PARP9: variants seen among roughly 807,000 people sequenced by gnomAD.
PARP9 encodes the protein protein mono-ADP-ribosyltransferase PARP9.
PARP9 carries 48 observed loss-of-function variants against 68.8 expected under a neutral mutation model. The ratio of observed to expected loss-of-function variants is 0.70; its 90% CI spans 0.55 to 0.89. PARP9 has a LOEUF of 0.89. Among genes scored for constraint, PARP9 ranks in the 40% least tolerant of loss-of-function variants. The pLI is 0.00. For missense variants in PARP9, 806 were observed against 969.3 expected (o/e 0.83, Z 2.24); for synonymous variants, 309 against 333.8 (o/e 0.93, Z 0.81).
At chr3:122,536,078 C>A (rs1378784903) in intron 10 of PARP9, 90 bp downstream of exon 10, 3 of 1,601,712 alleles carry the variant, frequency 1.9e-6, no homozygotes, top group Non-Finnish European at 2.6e-6. Context: ...CCCTTCCCCA[C>A]AACAACAAAT....
intron 1 of PARP9, among the ~76,000 whole-genome samples, chr3:122,561,735 A>G (rs2080224269): frequency 6.6e-6 from 1 of 151,736 alleles, no homozygotes; most frequent in South Asian, 2.1e-4. Context: ...CATTCTGCAT[A>G]CTCCCCAGGA....
intron 8 of PARP9, 68 bp downstream of exon 8, chr3:122,540,404 C>G: frequency 4.5e-6 from 7 of 1,562,310 alleles, no homozygotes; most frequent in Non-Finnish European, 6.1e-6. Flanking sequence ...TCCATACATA[C>G]ACGCTCACAC....
At chr3:122,562,268 C>T (rs781043335) in intron 1 of PARP9, among the ~76,000 whole-genome samples, 4 of 151,760 alleles carry the variant, frequency 2.6e-5, no homozygotes, top group Non-Finnish European at 5.9e-5. Flanking sequence ...TTGGAAGCTC[C>T]GCCTCCCGGG....
upstream of PARP9, chr3:122,564,397 A>G: frequency 6.3e-7 from 1 of 1,587,466 alleles, no homozygotes; most frequent in Non-Finnish European, 8.6e-7. Flanking sequence ...TGCCTCCCGG[A>G]GCCCCCGCGC....
intron 3 of PARP9, among the ~76,000 whole-genome samples, chr3:122,557,610 C>A (rs932144903): frequency 6.6e-6 from 1 of 152,192 alleles, no homozygotes; most frequent in Admixed American, 6.5e-5. Context: ...TCATGCCCAA[C>A]GTGGGACACC....
chr3:122,558,295 G>GC (rs763068419), intron 3 of PARP9, 139 bp downstream of exon 3: 2 of 1,604,774 alleles, frequency 1.2e-6, no homozygotes, highest in Admixed American at 3.3e-5. Flanking sequence ...TGAAGCATGT[G>GC]CGGGGGTCCC....
rs767591720 is a variant in PARP9 at position 122,540,488 on chromosome 3, G to T, written c.1749C>A (p.Gly583=). Reference sequence around the variant, plus strand: ...GTTACTCACCTAACGAGCGCCAAAGGCCTCGCTCCTTTTTCCTTGCCATTT... The same window carrying T: ...GTTACTCACCTAACGAGCGCCAAAGTCCTCGCTCCTTTTTCCTTGCCATTT... ...QEEMARKKER[G]LWRSLGQWTI... Residue 583 remains glycine, a synonymous_variant, in exon 8 of 11, where the codon GGC becomes GGA. Transcript: ENST00000682323. The T allele has an allele frequency of 2.5e-6, 4 of 1,613,294 alleles. 1 individual carries two copies. The Admixed American group carries it at 6.7e-5, about 27-fold the overall frequency.
At chr3:122,564,580 G>A (rs757159028), upstream of PARP9, 8 of 1,602,734 alleles carry the variant, frequency 5.0e-6, no homozygotes, top group Non-Finnish European at 1.7e-6. Flanking sequence ...CGAAGCCCCG[G>A]GCACCTTCCG....
chr3:122,544,280 TA>T (rs2078512222), intron 7 of PARP9, among the ~76,000 whole-genome samples: 1 of 152,210 alleles, frequency 6.6e-6, no homozygotes, highest in Admixed American at 6.5e-5. Flanking sequence ...TTTCTCCCCT[TA>T]GCTAACTGGG....
At chr3:122,535,166 G>A (rs1024802542) in intron 10 of PARP9, 209 of 985,290 alleles carry the variant, frequency 2.1e-4, no homozygotes, top group Non-Finnish European at 2.4e-4. Flanking sequence ...GGAGCAAATG[G>A]AAATTATAGA....
At chr3:122,533,917 T>C (rs1454794512) in intron 10 of PARP9, 1 of 985,384 alleles carries the variant, frequency 1.0e-6, no homozygotes, top group East Asian at 1.1e-4. Context: ...CTAAGAGCTT[T>C]TGTACTCCAA....
At chr3:122,533,986 T>C in intron 10 of PARP9, 2 of 985,428 alleles carry the variant, frequency 2.0e-6, no homozygotes, top group Non-Finnish European at 2.4e-6. Flanking sequence ...TGGCACCTTC[T>C]GTTAAGAGTT....
At chr3:122,546,968 C>CCA (rs2078748073) in intron 6 of PARP9, among the ~76,000 whole-genome samples, 1 of 70,144 alleles carries the variant, frequency 1.4e-5, no homozygotes, top group African/African-American at 5.0e-5. Flanking sequence ...ATACATGGCA[C>CCA]TATATATATA....
rs769543137 is a variant in PARP9, at chr3:122,552,463, T to C, written c.1062A>G (p.Lys354=). ...AATGCCACAGTACATGGTATATATA[T>C]TTACAGAACAAGTTAAATCCTTTTG... ...LVTKGFNLFC[K]YIYHVLWHSE... is the part of the protein sequence containing the mutation. Residue 354 remains lysine, a synonymous_variant, in exon 5 of 11, where the codon AAA becomes AAG. Coordinates refer to ENST00000682323, the MANE Select transcript of PARP9 (RefSeq NM_001146105.2). 3.7e-6 allele frequency: 6 copies of C among 1,614,086 alleles called. No individual in the cohort carries two copies. Among genetic ancestry groups the C allele is most frequent in the South Asian group, 2.2e-5 (2 of 91,074 alleles).
At chr3:122,560,678 G>A (rs1018329826) in intron 1 of PARP9, among the ~76,000 whole-genome samples, 1 of 152,154 alleles carries the variant, frequency 6.6e-6, no homozygotes, top group African/African-American at 2.4e-5. Flanking sequence ...GAGCGACCGC[G>A]CCTGGTCGAA....
chr3:122,561,347 C>T (rs915569251), intron 1 of PARP9, among the ~76,000 whole-genome samples: 3 of 152,180 alleles, frequency 2.0e-5, no homozygotes, highest in African/African-American at 7.2e-5. Context: ...ATAGTCCCAG[C>T]TACTTGGGAG....
rs758053332 is a variant in PARP9, at chr3:122,540,748, C to G, written c.1489G>C (p.Ala497Pro). 3 of 1,614,086 alleles carry G rather than the reference C, an allele frequency of 1.9e-6. No individual in the cohort carries two copies. Among genetic ancestry groups the G allele is most frequent in the Non-Finnish European group, 2.5e-6 (3 of 1,179,970 alleles). Reference sequence around the variant, plus strand: ...AGACTCAGGATTCTTTGGATCCATGCGTGGGCCTCATACATCTCTTCCACG... The same window carrying G: ...AGACTCAGGATTCTTTGGATCCATGGGTGGGCCTCATACATCTCTTCCACG... ...FNVEEMYEAH[A>P]WIQRILSLQN... The change falls in exon 8 of 11, where the codon GCA (alanine) becomes CCA (proline). Residue 497 changes from alanine to proline, a missense_variant. Around this residue, in one of 2 missense-constraint regions of PARP9, gnomAD observed 680 missense variants for 858.8 expected, o/e 0.79. Coordinates refer to ENST00000682323, the MANE Select transcript of PARP9 (RefSeq NM_001146105.2).
At chr3:122,541,488 T>G (rs1301958340) in intron 7 of PARP9, among the ~76,000 whole-genome samples, 1 of 152,240 alleles carries the variant, frequency 6.6e-6, no homozygotes, top group Admixed American at 6.5e-5. Context: ...TCCTGCTGAA[T>G]AGGATTTTCC....
rs746524677 is a variant in PARP9, at chr3:122,540,644, C to T, written c.1593G>A (p.Gln531=). 1.9e-6 allele frequency: 3 copies of T among 1,614,164 alleles called. No homozygotes were observed. In the Admixed American group the frequency reaches 5.0e-5, roughly 27 times the overall value. ...RKEHDILSQL[Q]KTSSVSITEI... Reference sequence around the variant, plus strand: ...CTGTGATGGAGACACTTGAAGTTTTCTGAAGCTGAGACAAAATGTCATGTT... The same window carrying T: ...CTGTGATGGAGACACTTGAAGTTTTTTGAAGCTGAGACAAAATGTCATGTT... The change falls in exon 8 of 11, where the codon CAG becomes CAA. Residue 531 remains glutamine (Q), a synonymous_variant. Transcript: ENST00000682323.
Sources: allele counts gnomAD v4.1 joint callset (sites outside exome capture counted in the v4.1 genomes callset), GRCh38; gene constraint gnomAD v4.1.1; regional missense constraint gnomAD v4.1.1; transcripts MANE v1.5; gene names NCBI Gene and HGNC (gene_info 2026-07-23, HGNC 2026-07-21).